RALGAPB: variants seen among roughly 807,000 people sequenced by gnomAD.
RALGAPB encodes ral GTPase-activating protein subunit beta.
Under a neutral mutation model 161.1 loss-of-function variants are expected in RALGAPB, and 25 were observed. That is an observed-to-expected ratio of 0.16 (90% CI 0.11 to 0.22). The LOEUF (loss-of-function observed/expected upper bound fraction) is 0.22. RALGAPB is among the 10% of genes least tolerant of loss of function. RALGAPB has a pLI of 1.00. For synonymous variants in RALGAPB, 629 were observed against 626.1 expected (o/e 1.00, Z -0.07); for missense variants, 1,391 against 1,815.2 (o/e 0.77, Z 4.25).
At chr20:38,572,512 C>G (rs1412013715) in intron 28 of RALGAPB, among the ~76,000 whole-genome samples, 1 of 152,208 alleles carries the variant, frequency 6.6e-6, no homozygotes, top group Non-Finnish European at 1.5e-5. Flanking sequence ...CATCACAGAG[C>G]TACCCTGAAA....
chr20:38,542,651 G>A (rs2087008815), intron 18 of RALGAPB, among the ~76,000 whole-genome samples: 1 of 152,128 alleles, frequency 6.6e-6, no homozygotes, highest in African/African-American at 2.4e-5. Flanking sequence ...GCCGAGGCGG[G>A]TGGATCACAG....
intron 23 of RALGAPB, among the ~76,000 whole-genome samples, chr20:38,562,273 A>G (rs1266403770): frequency 1.3e-5 from 2 of 152,182 alleles, no homozygotes; most frequent in Admixed American, 6.5e-5. Context: ...GCATTACTTC[A>G]CAACCATTAT....
chr20:38,522,963 A>G (rs1322709490), intron 10 of RALGAPB, among the ~76,000 whole-genome samples: 11 of 151,990 alleles, frequency 7.2e-5, no homozygotes, highest in Admixed American at 7.2e-4. Flanking sequence ...TCTGCAGATC[A>G]TTTTCTCTTA....
In RALGAPB at chr20:38,511,126, C is replaced by G. The variant is rs1433519967; in HGVS notation, c.872+1918C>G. On this transcript the variant is annotated intron_variant, in intron 6 of 29. Transcript: ENST00000262879. ...TGTGGGAGGGTTTTATGTGTCAGGC[C>G]TTGAAGTAATATAAATCACTGTTAC... Among the ~76,000 whole-genome samples, 3 of 152,106 alleles carry G rather than the reference C, an allele frequency of 2.0e-5. No homozygotes were observed. The East Asian group carries it at 5.8e-4, about 29-fold the overall frequency.
At chr20:38,519,724 G>A (rs953153930) in intron 9 of RALGAPB, among the ~76,000 whole-genome samples, 7 of 152,254 alleles carry the variant, frequency 4.6e-5, no homozygotes, top group African/African-American at 1.4e-4. Context: ...GATATGAGGT[G>A]TCCAAATAGT....
At chr20:38,494,570 G>T (rs1222093379) in intron 3 of RALGAPB, among the ~76,000 whole-genome samples, 2 of 152,192 alleles carry the variant, frequency 1.3e-5, no homozygotes, top group Admixed American at 1.3e-4. Flanking sequence ...GGCGGAGGTT[G>T]CAGTGAGCCG....
chr20:38,497,346 T>G lies in RALGAPB; in HGVS notation c.390-7T>G. On this transcript the variant is annotated splice_polypyrimidine_tract_variant and splice_region_variant and intron_variant, in intron 3 of 29. Coordinates refer to ENST00000262879, the MANE Select transcript of RALGAPB (RefSeq NM_020336.4). ...GCTTGTCAGTGATATCTGTCTGTCTTCTTCAGACAGGAACAGGGTTCCAGT... is the reference window on the plus strand; with the variant it reads ...GCTTGTCAGTGATATCTGTCTGTCTGCTTCAGACAGGAACAGGGTTCCAGT... 6.2e-7 allele frequency: 1 copy of G among 1,612,776 alleles called. No homozygotes were observed. The highest frequency in any genetic ancestry group is 8.5e-7 in the Non-Finnish European group (1 of 1,179,304).
chr20:38,525,946 C>A lies in RALGAPB; in HGVS notation c.1954C>A (p.Pro652Thr). Residue 652 changes from proline to threonine, a missense_variant, in exon 13 of 30, where the codon CCA becomes ACA. Physicochemically the swap from Pro to Thr is conservative, Grantham distance 38. Transcript: ENST00000262879. ...SNDDSSSYDK[P>T]ITFLSLKLRL... ...CGATGACAGCTCTTCTTATGATAAA[C>A]CAATAACTTTTCTGTCCCTGAAGTT... 1 of 1,613,792 alleles carries A rather than the reference C, an allele frequency of 6.2e-7. No individual in the cohort carries two copies. The highest frequency in any genetic ancestry group is 8.5e-7 in the Non-Finnish European group (1 of 1,179,756).
intron 6 of RALGAPB, among the ~76,000 whole-genome samples, chr20:38,513,458 G>A (rs2086030582): frequency 1.4e-5 from 2 of 146,912 alleles, no homozygotes; most frequent in African/African-American, 5.0e-5. Context: ...CAGCCCGGGC[G>A]ACAGAGCGGC....
chr20:38,548,085 C>T (rs914882071), intron 19 of RALGAPB: 3 of 152,108 alleles, frequency 2.0e-5, no homozygotes, highest in African/African-American at 7.2e-5. Context: ...GCGTTTGACT[C>T]CCATATCTGA....
intron 28 of RALGAPB, among the ~76,000 whole-genome samples, chr20:38,572,211 A>G (rs1186445563): frequency 6.6e-6 from 1 of 152,220 alleles, no homozygotes; most frequent in African/African-American, 2.4e-5. Context: ...GTAATACTTT[A>G]TAATTGGGTT....
At chr20:38,492,880 C>T in intron 2 of RALGAPB, 50 bp from the exon 3 acceptor site, 1 of 1,451,812 alleles carries the variant, frequency 6.9e-7, no homozygotes, top group Non-Finnish European at 9.6e-7. Flanking sequence ...AATCAGTCTA[C>T]TGAGATAGGA....
Position 38,473,024 on chromosome 20 carries a change from G to A in RALGAPB, c.-76G>A. 5.1e-6 allele frequency: 2 copies of A among 391,882 alleles called. No homozygotes were observed. Among genetic ancestry groups the A allele is most frequent in the Non-Finnish European group, 9.0e-6 (2 of 221,550 alleles). 24.3% of individuals were successfully genotyped at this position (391,882 alleles called of 1,614,324 possible). On this transcript the variant is annotated 5_prime_UTR_variant, in exon 1 of 30. Coordinates refer to ENST00000262879, the MANE Select transcript of RALGAPB (RefSeq NM_020336.4). ...TGAGGCGGAAGGCCGAGGACGGCCG[G>A]CGGCGGCGCCCGCCCCGGCGATGCG...
At chr20:38,494,338 A>T (rs1465766336) in intron 3 of RALGAPB, among the ~76,000 whole-genome samples, 1 of 152,218 alleles carries the variant, frequency 6.6e-6, no homozygotes, top group African/African-American at 2.4e-5. Context: ...TGGAATTAAA[A>T]ACAGGAAATG....
At chr20:38,545,252 A>G (rs1051009268) in intron 18 of RALGAPB, among the ~76,000 whole-genome samples, 7 of 152,152 alleles carry the variant, frequency 4.6e-5, no homozygotes, top group Admixed American at 3.9e-4. Context: ...ATTATATGAA[A>G]TGTTATTTCA....
chr20:38,498,818 G>A (rs909108854), intron 4 of RALGAPB, among the ~76,000 whole-genome samples: 1 of 152,156 alleles, frequency 6.6e-6, no homozygotes, highest in African/African-American at 2.4e-5. Flanking sequence ...CCCAACACCA[G>A]TCCTTTTGCT....
chr20:38,485,840 C>T (rs975447713), intron 1 of RALGAPB, among the ~76,000 whole-genome samples: 4 of 152,060 alleles, frequency 2.6e-5, no homozygotes, highest in Middle Eastern at 3.4e-3. Context: ...TTAATATATC[C>T]GTAATTATAA....
At chr20:38,567,008 G>A (rs776962050) in intron 25 of RALGAPB, 88 bp from the exon 26 acceptor site, 12 of 1,507,312 alleles carry the variant, frequency 8.0e-6, no homozygotes, top group Non-Finnish European at 1.1e-5. Flanking sequence ...AGTGATTTAG[G>A]TTAGACTGGT....
intron 16 of RALGAPB, 36 bp from the exon 17 acceptor site, chr20:38,539,740 G>T (rs755939208): frequency 6.3e-7 from 1 of 1,597,014 alleles, no homozygotes; most frequent in African/African-American, 1.3e-5. Flanking sequence ...GTAATTCCTG[G>T]CTGATTGTTT....
Sources: gnomAD v4.1 joint callset for allele counts (sites outside exome capture counted in the v4.1 genomes callset) on GRCh38, gnomAD v4.1.1 for gene constraint, MANE v1.5 for transcripts, NCBI Gene and HGNC (gene_info 2026-07-23, HGNC 2026-07-21) for gene names.